Variants in SDK1 observed in about 807,000 individuals in gnomAD.
The protein encoded by SDK1 is protein sidekick-1.
A neutral mutation model predicts 245.5 loss-of-function variants in SDK1; 157 were observed. The ratio of observed to expected loss-of-function variants is 0.64; its 90% CI spans 0.56 to 0.73. SDK1 has a LOEUF of 0.73. SDK1 is among the 30% of genes least tolerant of loss of function. The probability of loss-of-function intolerance (pLI) is 0.00; values close to 1 mark genes in which losing one functional copy is unlikely to be tolerated. For synonymous variants in SDK1, 1,647 were observed against 1,278.5 expected (o/e 1.29, Z -6.15); for missense variants, 3,583 against 3,002.3 (o/e 1.19, Z -4.52).
At chr7:3,383,885 C>T (rs565631919) in intron 1 of SDK1, among the ~76,000 whole-genome samples, 7 of 152,236 alleles carry the variant, frequency 4.6e-5, no homozygotes, top group Admixed American at 2.0e-4. Flanking sequence ...TTTAGAGAAA[C>T]GTGTTCAAAC....
intron 4 of SDK1, among the ~76,000 whole-genome samples, chr7:3,786,413 C>T (rs1470928871): frequency 6.6e-6 from 1 of 152,168 alleles, no homozygotes; most frequent in African/African-American, 2.4e-5. Flanking sequence ...CTCTTTCTCA[C>T]TTAAAAAACA....
chr7:3,567,247 G>C (rs1037732423), intron 1 of SDK1, among the ~76,000 whole-genome samples: 1 of 152,138 alleles, frequency 6.6e-6, no homozygotes, highest in Non-Finnish European at 1.5e-5. Flanking sequence ...TTGCAACCTC[G>C]ACAGGTATTT....
At position 3,701,037 on chromosome 7, in the gene SDK1, C is replaced by T. The variant is rs146375746; in HGVS notation, c.713+58932C>T. On this transcript the variant is annotated intron_variant, in intron 4 of 44. Transcript: ENST00000404826. Reference sequence around the variant, plus strand: ...AGGGCTGGGGAGGAACCAGTTGCCGCGCAGGGAGGAGGCTGAGGCTATCTA... The same window carrying T: ...AGGGCTGGGGAGGAACCAGTTGCCGTGCAGGGAGGAGGCTGAGGCTATCTA... Among the ~76,000 whole-genome samples the T allele has an allele frequency of 1.0e-3, 159 of 152,162 alleles. 1 individual carries two copies. Among genetic ancestry groups the T allele is most frequent in the African/African-American group, 3.7e-3 (153 of 41,496 alleles).
intron 1 of SDK1, among the ~76,000 whole-genome samples, chr7:3,340,615 T>G (rs2128554178): frequency 6.6e-6 from 1 of 151,716 alleles, no homozygotes; most frequent in African/African-American, 2.4e-5. Context: ...ACCAAAAAAA[T>G]AGCGGGGCAT....
Position 4,253,368 on chromosome 7 carries a change from T to C in SDK1, c.6381+7563T>C, listed in dbSNP as rs532444971. Among the ~76,000 whole-genome samples the C allele has an allele frequency of 9.5e-4, 145 of 152,326 alleles. 1 individual carries two copies. Among genetic ancestry groups the C allele is most frequent in the African/African-American group, 3.4e-3 (142 of 41,588 alleles). On this transcript the variant is annotated intron_variant, in intron 44 of 44. Coordinates refer to ENST00000404826, the MANE Select transcript of SDK1 (RefSeq NM_152744.4). ...ATCTCAAAATATTTTTTTAATTTTC[T>C]GTGTAATTTCTTCTTTGACACATTC... is the stretch of plus-strand genomic sequence containing the variant.
rs1197453427 is a variant in SDK1, at chr7:3,644,791, AAC to A, written c.713+2688_713+2689del. ...CTGTCTCCAAAAAAAAAAAAAAAAA[AAC>A]AAAAAACAACAACAACGGCGGGGCA... On this transcript the variant is annotated intron_variant, in intron 4 of 44. Coordinates refer to ENST00000404826, the MANE Select transcript of SDK1 (RefSeq NM_152744.4). Among the ~76,000 whole-genome samples the A allele has an allele frequency of 4.2e-4, 59 of 139,086 alleles. 2 individuals are homozygous for A. The highest frequency in any genetic ancestry group is 8.5e-4 in the African/African-American group (31 of 36,652). 91.2% of individuals were successfully genotyped at this position (139,086 alleles called of 152,430 possible).
chr7:3,712,898 G>A (rs1785090801), intron 4 of SDK1, among the ~76,000 whole-genome samples: 1 of 152,232 alleles, frequency 6.6e-6, no homozygotes, highest in South Asian at 2.1e-4. Context: ...CTTCAGTGGT[G>A]CCATTGGATT....
intron 40 of SDK1, among the ~76,000 whole-genome samples, chr7:4,230,404 G>C (rs1032791969): frequency 6.8e-6 from 1 of 147,630 alleles, no homozygotes; most frequent in Non-Finnish European, 1.5e-5. Context: ...GGAGGGCAGG[G>C]GAGGGAAGGG....
At chr7:3,409,789 G>C (rs1779150287) in intron 1 of SDK1, among the ~76,000 whole-genome samples, 1 of 152,128 alleles carries the variant, frequency 6.6e-6, no homozygotes, top group South Asian at 2.1e-4. Flanking sequence ...GGAGGGGATT[G>C]AGGTGTGGAG....
intron 1 of SDK1, among the ~76,000 whole-genome samples, chr7:3,454,216 C>T (rs1255121263): frequency 1.3e-5 from 2 of 152,134 alleles, no homozygotes; most frequent in Admixed American, 1.3e-4. Context: ...AAATAATTTA[C>T]ATCAAGGAAA....
intron 1 of SDK1, among the ~76,000 whole-genome samples, chr7:3,410,609 A>C (rs1035654933): frequency 1.6e-5 from 2 of 123,386 alleles, no homozygotes; most frequent in Non-Finnish European, 3.2e-5. Context: ...TTTTTGGAGA[A>C]GGAGTCTTGC....
intron 2 of SDK1, among the ~76,000 whole-genome samples, chr7:3,632,089 A>G (rs926452822): frequency 2.9e-4 from 44 of 152,192 alleles, no homozygotes; most frequent in African/African-American, 1.0e-3. Flanking sequence ...CAGACATGCA[A>G]TAAAAGATTT....
At chr7:4,010,104 A>G (rs748779824) in intron 14 of SDK1, among the ~76,000 whole-genome samples, 11 of 152,210 alleles carry the variant, frequency 7.2e-5, no homozygotes, top group Non-Finnish European at 1.6e-4. Flanking sequence ...CTCGATTTCC[A>G]GAAGAATTTC....
chr7:3,991,749 T>C (rs1359393567), intron 14 of SDK1, among the ~76,000 whole-genome samples: 1 of 152,186 alleles, frequency 6.6e-6, no homozygotes, highest in Non-Finnish European at 1.5e-5. Context: ...CTGTTCTGAT[T>C]TCCACTGTGT....
At chr7:3,618,827 G>T (rs192151313) in intron 1 of SDK1, among the ~76,000 whole-genome samples, 1 of 152,176 alleles carries the variant, frequency 6.6e-6, no homozygotes, top group African/African-American at 2.4e-5. Flanking sequence ...ACCATAAGTG[G>T]AAATAACTTG....
At chr7:3,879,712 T>G (rs977169852) in intron 5 of SDK1, among the ~76,000 whole-genome samples, 2 of 152,132 alleles carry the variant, frequency 1.3e-5, no homozygotes, top group African/African-American at 4.8e-5. Flanking sequence ...ATTTTTCTTC[T>G]TTTCTTCCCC....
At chr7:3,715,142 A>T (rs955571970) in intron 4 of SDK1, among the ~76,000 whole-genome samples, 5 of 152,152 alleles carry the variant, frequency 3.3e-5, no homozygotes, top group Non-Finnish European at 7.4e-5. Flanking sequence ...AATTGCACAT[A>T]TAATTAGCTT....
intron 4 of SDK1, among the ~76,000 whole-genome samples, chr7:3,790,044 G>T (rs955520423): frequency 6.6e-6 from 1 of 152,132 alleles, no homozygotes; most frequent in Non-Finnish European, 1.5e-5. Flanking sequence ...TAGTTATTCA[G>T]CGGAGAAGTT....
chr7:3,669,192 A>G (rs1019253518), intron 4 of SDK1, among the ~76,000 whole-genome samples: 3 of 152,226 alleles, frequency 2.0e-5, no homozygotes, highest in African/African-American at 7.2e-5. Flanking sequence ...TTTGAAAAGC[A>G]AAGAAATGTG....
Sources: allele counts gnomAD v4.1 joint callset (sites outside exome capture counted in the v4.1 genomes callset), GRCh38; gene constraint gnomAD v4.1.1; transcripts MANE v1.5; gene names NCBI Gene and HGNC (gene_info 2026-07-23, HGNC 2026-07-21).